SQOR: variants seen among roughly 807,000 people sequenced by gnomAD.
The protein encoded by SQOR is sulfide quinone oxidoreductase.
Under a neutral mutation model 48.6 loss-of-function variants are expected in SQOR, and 39 were observed. That is an observed-to-expected ratio of 0.80 (90% CI 0.62 to 1.05). SQOR has a LOEUF of 1.05. Among genes scored for constraint, SQOR ranks in the 50% least tolerant of loss-of-function variants. SQOR has a pLI of 0.00. For missense variants in SQOR, 561 were observed against 559.9 expected (o/e 1.00, Z -0.02); for synonymous variants, 220 against 206.2 (o/e 1.07, Z -0.57).
chr15:45,675,585 G>C (rs1890022044), intron 5 of SQOR, among the ~76,000 whole-genome samples: 1 of 151,882 alleles, frequency 6.6e-6, no homozygotes, highest in South Asian at 2.1e-4. Flanking sequence ...GGTAGAGACA[G>C]GCTTGTCTCA....
intron 1 of SQOR, among the ~76,000 whole-genome samples, chr15:45,638,827 G>A (rs564364399): frequency 3.9e-5 from 6 of 152,016 alleles, no homozygotes; most frequent in African/African-American, 7.2e-5. Context: ...AAGATGACTC[G>A]TCAGGAGCAC....
At chr15:45,645,150 A>G (rs1233310202) in intron 1 of SQOR, among the ~76,000 whole-genome samples, 22 of 152,198 alleles carry the variant, frequency 1.4e-4, no homozygotes, top group Admixed American at 1.4e-3. Flanking sequence ...TGCCATTGAT[A>G]TGTGCTGTAA....
intron 1 of SQOR, among the ~76,000 whole-genome samples, chr15:45,648,183 G>GC (rs1555400450): frequency 2.1e-5 from 3 of 145,806 alleles, no homozygotes; most frequent in Non-Finnish European, 3.0e-5. Context: ...TTGTTTTTTT[G>GC]TTTTTTTTTT....
intron 1 of SQOR, among the ~76,000 whole-genome samples, chr15:45,656,374 ACT>A (rs2140945982): frequency 6.6e-6 from 1 of 152,216 alleles, no homozygotes; most frequent in South Asian, 2.1e-4. Flanking sequence ...ATCACAGATC[ACT>A]GTGGCCTTCA....
At chr15:45,677,514 C>T (rs1312616313) in intron 6 of SQOR, among the ~76,000 whole-genome samples, 2 of 152,152 alleles carry the variant, frequency 1.3e-5, no homozygotes, top group Non-Finnish European at 2.9e-5. Flanking sequence ...GTATTACATT[C>T]AATTGTGAGG....
intron 4 of SQOR, among the ~76,000 whole-genome samples, chr15:45,673,130 T>C (rs183153661): frequency 6.6e-6 from 1 of 152,126 alleles, no homozygotes; most frequent in African/African-American, 2.4e-5. Context: ...CTCAAACTGG[T>C]ATGTGGGATC....
chr15:45,649,833 G>A (rs536083323), intron 1 of SQOR, among the ~76,000 whole-genome samples: 1 of 151,572 alleles, frequency 6.6e-6, no homozygotes, highest in African/African-American at 2.4e-5. Flanking sequence ...GTGGGATATG[G>A]GCAATGCTTT....
intron 7 of SQOR, among the ~76,000 whole-genome samples, chr15:45,686,250 C>A (rs770681182): frequency 1.3e-5 from 2 of 152,030 alleles, no homozygotes; most frequent in Non-Finnish European, 2.9e-5. Flanking sequence ...CTCCTGGGTT[C>A]AAGCAATTCT....
intron 1 of SQOR, among the ~76,000 whole-genome samples, chr15:45,652,967 A>G (rs931938839): frequency 6.6e-6 from 1 of 152,008 alleles, no homozygotes; most frequent in Admixed American, 6.6e-5. Context: ...TCAAAAAAAA[A>G]AGAAAAAAGA....
intron 5 of SQOR, 179 bp downstream of exon 5, chr15:45,673,980 A>G: frequency 1.5e-6 from 1 of 647,974 alleles, no homozygotes; most frequent in Non-Finnish European, 2.6e-6. Context: ...ATCACTCATG[A>G]TCCAATTGCT....
upstream of SQOR, among the ~76,000 whole-genome samples, chr15:45,633,209 C>G (rs1348273683): frequency 6.6e-6 from 1 of 151,560 alleles, no homozygotes; most frequent in Non-Finnish European, 1.5e-5. Flanking sequence ...TGCCTTGCAC[C>G]AACATTCAAG....
intron 1 of SQOR, among the ~76,000 whole-genome samples, chr15:45,652,365 C>T (rs1364077842): frequency 6.6e-6 from 1 of 152,040 alleles, no homozygotes; most frequent in African/African-American, 2.4e-5. Flanking sequence ...GACAGAGTCC[C>T]ACTCTGTTGC....
chr15:45,673,540 CA>C, intron 4 of SQOR, 66 bp from the exon 5 acceptor site: 1 of 1,502,840 alleles, frequency 6.7e-7, no homozygotes, highest in South Asian at 1.2e-5. Flanking sequence ...GTAGAAATGG[CA>C]AAGAACAAGG....
At chr15:45,677,799 C>A (rs1890062993) in intron 6 of SQOR, among the ~76,000 whole-genome samples, 1 of 152,232 alleles carries the variant, frequency 6.6e-6, no homozygotes, top group South Asian at 2.1e-4. Context: ...TTCCCAGGTT[C>A]AAGCGATTCT....
At chr15:45,672,519 G>A (rs1003481827) in intron 4 of SQOR, among the ~76,000 whole-genome samples, 2 of 152,152 alleles carry the variant, frequency 1.3e-5, no homozygotes, top group Admixed American at 1.3e-4. Context: ...CTGTTTCCTT[G>A]AGACCTCAGG....
intron 5 of SQOR, among the ~76,000 whole-genome samples, chr15:45,675,643 G>A (rs1424669427): frequency 2.0e-5 from 3 of 152,046 alleles, no homozygotes; most frequent in Non-Finnish European, 2.9e-5. Context: ...CAGGTGATCT[G>A]CCTGCCTCGG....
chr15:45,649,785 AT>A lies in SQOR; in HGVS notation c.-17-9116del, dbSNP rs202151405. 1.1e-4 allele frequency among the ~76,000 whole-genome samples: 15 copies of A among 142,372 alleles called. 1 individual carries two copies. The East Asian group carries it at 3.3e-3, about 31-fold the overall frequency. 93.4% of individuals were successfully genotyped at this position (142,372 alleles called of 152,430 possible). ...GGCGTGAGCCACTGTGCCTGGCCTC[AT>A]TTTTTAAGAATTGCTGGGGTAAGGG... On this transcript the variant is annotated intron_variant, in intron 1 of 9. Transcript: ENST00000260324.
At chr15:45,680,079 G>A (rs890894048) in intron 6 of SQOR, among the ~76,000 whole-genome samples, 1 of 151,886 alleles carries the variant, frequency 6.6e-6, no homozygotes, top group East Asian at 1.9e-4. Context: ...TTGTTTGTTT[G>A]TTTTTTTCTT....
chr15:45,691,041 G>C lies in SQOR; in HGVS notation c.*11G>C, dbSNP rs374773786. On this transcript the variant is annotated 3_prime_UTR_variant, in exon 10 of 10. Coordinates refer to ENST00000260324, the MANE Select transcript of SQOR (RefSeq NM_021199.4). ...CTAGGTATGAGTTAAGGATGGCTCA[G>C]CACTTGCTCATCTTGGATGGCTTCT... 20 of 1,613,628 alleles carry C rather than the reference G, an allele frequency of 1.2e-5. No individual in the cohort carries two copies. Among genetic ancestry groups the C allele is most frequent in the Non-Finnish European group, 1.7e-5 (20 of 1,179,504 alleles).
Sources: gnomAD v4.1 joint callset for allele counts (sites outside exome capture counted in the v4.1 genomes callset) on GRCh38, gnomAD v4.1.1 for gene constraint, MANE v1.5 for transcripts, NCBI Gene and HGNC (gene_info 2026-07-23, HGNC 2026-07-21) for gene names.